Variants in ADAMTS2 observed in about 807,000 individuals in gnomAD.
ADAMTS2 encodes the protein A disintegrin and metalloproteinase with thrombospondin motifs 2.
ADAMTS2 carries 50 observed loss-of-function variants against 123.0 expected under a neutral mutation model. That is an observed-to-expected ratio of 0.41 (90% CI 0.32 to 0.51). ADAMTS2 has a LOEUF of 0.51. Ranked by LOEUF, ADAMTS2 falls within the 20% of genes least tolerant of loss-of-function variation. The pLI, the probability that ADAMTS2 is intolerant of heterozygous loss-of-function variation, is 0.35. For missense variants in ADAMTS2, 1,494 were observed against 1,705.2 expected, an observed-to-expected ratio of 0.88 and a Z score of 2.18; for synonymous variants, 678 against 695.4, an observed-to-expected ratio of 0.98 and a Z score of 0.39.
intron 5 of ADAMTS2, among the ~76,000 whole-genome samples, chr5:179,177,996 C>A (rs1292190958): frequency 6.6e-6 from 1 of 152,186 alleles, no homozygotes; most frequent in African/African-American, 2.4e-5. Context: ...GGGGAAAATG[C>A]AAGCCGCCAC....
chr5:179,262,182 C>G lies in ADAMTS2; in HGVS notation c.688+10729G>C, dbSNP rs894019491. On this transcript the variant is annotated intron_variant, in intron 3 of 21. Coordinates refer to ENST00000251582, the MANE Select transcript of ADAMTS2 (RefSeq NM_014244.5). The surrounding 1 kb of genome is among the most constrained non-coding windows in gnomAD (Gnocchi z 5.9). ...CTGCACGTGGCCCAGACCACCTAACCTGCCACCCCCACCAGCACACCTGCC... is the reference window on the plus strand; with the variant it reads ...CTGCACGTGGCCCAGACCACCTAACGTGCCACCCCCACCAGCACACCTGCC... Among the ~76,000 whole-genome samples, 1 of 152,088 alleles carries G rather than the reference C, an allele frequency of 6.6e-6. No homozygotes were observed. The highest frequency in any genetic ancestry group is 1.5e-5 in the Non-Finnish European group (1 of 68,000).
rs572555468 is a variant in ADAMTS2, at chr5:179,240,171, T to C, written c.689-32456A>G. Reference sequence around the variant, plus strand: ...AGAGGACGGAAGATATGAAAAGTCATCTGGAAGGAGGCAAACAGACTGAGG... The same window carrying C: ...AGAGGACGGAAGATATGAAAAGTCACCTGGAAGGAGGCAAACAGACTGAGG... On this transcript the variant is annotated intron_variant, in intron 3 of 21. Coordinates refer to ENST00000251582, the MANE Select transcript of ADAMTS2 (RefSeq NM_014244.5). Among the ~76,000 whole-genome samples the C allele has an allele frequency of 1.3e-4, 20 of 152,194 alleles. No homozygotes were observed. The South Asian group carries it at 3.5e-3, about 27-fold the overall frequency.
intron 4 of ADAMTS2, among the ~76,000 whole-genome samples, chr5:179,184,509 T>TCAAAAAAAAAAAAAAAAAAAAAAAAAA (rs1290290563): frequency 1.1e-5 from 1 of 91,416 alleles, no homozygotes; most frequent in African/African-American, 4.6e-5. Flanking sequence ...AGACTCTGTC[T>TCAAAAAAAAAAAAAAAAAAAAAAAAAA]AAAAAAAAAA....
chr5:179,129,945 G>A lies in ADAMTS2; in HGVS notation c.2444C>T (p.Thr815Ile). ...GCTTGGACTCACCAGAACGGTGATG[G>A]TGCCGTGGAGGGGGCCCATGGTCTG... The part of the protein sequence containing the change: ...TLQTMGPLHG[T>I]ITVLVIPVGD... Residue 815 changes from threonine (T) to isoleucine (I), a missense_variant, in exon 16 of 22, where the codon ACC becomes ATC. Transcript: ENST00000251582. The surrounding 1 kb of genome is among the most constrained non-coding windows in gnomAD (Gnocchi z 4.1). 6.2e-7 allele frequency: 1 copy of A among 1,613,942 alleles called. No homozygotes were observed. Among genetic ancestry groups the A allele is most frequent in the South Asian group, 1.1e-5 (1 of 91,078 alleles).
chr5:179,250,548 A>C (rs1362401225), intron 3 of ADAMTS2, among the ~76,000 whole-genome samples: 3 of 152,136 alleles, frequency 2.0e-5, no homozygotes, highest in Non-Finnish European at 4.4e-5. Context: ...CAGCTCAATA[A>C]ACCCACCATA....
chr5:179,304,806 T>A (rs1046220358), intron 2 of ADAMTS2, among the ~76,000 whole-genome samples: 1 of 152,142 alleles, frequency 6.6e-6, no homozygotes, highest in Non-Finnish European at 1.5e-5. Context: ...GGCTGAAAAC[T>A]TCTCAAATTC....
chr5:179,138,788 G>A (rs548779358), intron 11 of ADAMTS2, among the ~76,000 whole-genome samples: 106 of 152,310 alleles, frequency 7.0e-4, no homozygotes, highest in African/African-American at 2.3e-3. Flanking sequence ...GTGACTGCGG[G>A]TCCTCTCTGG....
At chr5:179,259,016 T>C (rs1209076062) in intron 3 of ADAMTS2, among the ~76,000 whole-genome samples, 1 of 152,180 alleles carries the variant, frequency 6.6e-6, no homozygotes, top group East Asian at 1.9e-4. Context: ...AGCAGCCTCC[T>C]GCCGGCTCCC....
At chr5:179,153,111 A>AGGCCTCTGCGTCCGT (rs201745388) in intron 9 of ADAMTS2, among the ~76,000 whole-genome samples, 3 of 151,976 alleles carry the variant, frequency 2.0e-5, no homozygotes, top group Non-Finnish European at 4.4e-5. Flanking sequence ...GCTCTCCTCC[A>AGGCCTCTGCGTCCGT]GGCCTCTGCG....
chr5:179,294,651 C>T (rs1756282175), intron 2 of ADAMTS2, among the ~76,000 whole-genome samples: 1 of 152,244 alleles, frequency 6.6e-6, no homozygotes, highest in Non-Finnish European at 1.5e-5. Context: ...AGCTTCCCCG[C>T]AGGGCTGCAC....
At chr5:179,223,636 GCACACACACATACACT>G (rs1765196759) in intron 3 of ADAMTS2, among the ~76,000 whole-genome samples, 1 of 84,166 alleles carries the variant, frequency 1.2e-5, no homozygotes, top group South Asian at 3.6e-4. Flanking sequence ...TCACATGAAT[GCACACACACATACACT>G]CACAGACGCA....
At position 179,117,963 on chromosome 5, in the gene ADAMTS2, C is replaced by T. The variant is rs781243657; in HGVS notation, c.3179-3639G>A. ...CCCTTTACAGAAAAGGTTGACTGATCGTGGGTCAAGTGCACGCCTAGGTCA... is the reference window on the plus strand; with the variant it reads ...CCCTTTACAGAAAAGGTTGACTGATTGTGGGTCAAGTGCACGCCTAGGTCA... On this transcript the variant is annotated intron_variant, in intron 21 of 21. Transcript: ENST00000251582. This position sits in a 1 kb window ranked among gnomAD's most constrained non-coding sequence, Gnocchi z 4.2. Among the ~76,000 whole-genome samples, 2 of 152,190 alleles carry T rather than the reference C, an allele frequency of 1.3e-5. No individual in the cohort carries two copies. The highest frequency in any genetic ancestry group is 4.2e-4 in the South Asian group (2 of 4,812).
At chr5:179,167,538 C>T (rs1581164991) in intron 5 of ADAMTS2, among the ~76,000 whole-genome samples, 2 of 152,264 alleles carry the variant, frequency 1.3e-5, no homozygotes, top group East Asian at 3.9e-4. Flanking sequence ...GGGAGGAAAC[C>T]GGGATGGGGA....
intron 2 of ADAMTS2, among the ~76,000 whole-genome samples, chr5:179,327,383 T>C (rs1757344540): frequency 6.6e-6 from 1 of 152,184 alleles, no homozygotes; most frequent in African/African-American, 2.4e-5. Context: ...AGTGTCTCAC[T>C]GAACCACATC....
chr5:179,155,849 C>A lies in ADAMTS2; in HGVS notation c.1133-930G>T, dbSNP rs937913541. On this transcript the variant is annotated intron_variant, in intron 6 of 21. Coordinates refer to ENST00000251582, the MANE Select transcript of ADAMTS2 (RefSeq NM_014244.5). The surrounding 1 kb of genome is among the most constrained non-coding windows in gnomAD (Gnocchi z 5.1). ...CCAACCTGCCCTCACTCCTGCCATG[C>A]CCCACTGAGAGACCCTGAGGCCACG... 5.3e-5 allele frequency among the ~76,000 whole-genome samples: 8 copies of A among 152,132 alleles called. No individual in the cohort carries two copies. The highest frequency in any genetic ancestry group is 1.7e-4 in the African/African-American group (7 of 41,432).
chr5:179,260,329 C>T lies in ADAMTS2; in HGVS notation c.688+12582G>A, dbSNP rs969065741. On this transcript the variant is annotated intron_variant, in intron 3 of 21. Transcript: ENST00000251582. This position sits in a 1 kb window ranked among gnomAD's most constrained non-coding sequence, Gnocchi z 4.2. ...TTTTCACGGATATTTACGCACCAAC[C>T]GTGTGCCAGGCATTCCTCAAAATGC... Among the ~76,000 whole-genome samples, 24 of 152,208 alleles carry T rather than the reference C, an allele frequency of 1.6e-4. No homozygotes were observed. Among genetic ancestry groups the T allele is most frequent in the Admixed American group, 1.5e-3 (23 of 15,284 alleles).
At chr5:179,248,970 ATAGGTCATATGT>A (rs1010862336) in intron 3 of ADAMTS2, among the ~76,000 whole-genome samples, 1 of 152,266 alleles carries the variant, frequency 6.6e-6, no homozygotes, top group African/African-American at 2.4e-5. Flanking sequence ...ATTCTCCAGG[ATAGGTCATATGT>A]TAGGTCACAA....
chr5:179,131,580 T>TG (rs1320578866), intron 15 of ADAMTS2, among the ~76,000 whole-genome samples: 2 of 152,106 alleles, frequency 1.3e-5, no homozygotes, highest in East Asian at 3.9e-4. Context: ...CTTCTGACCT[T>TG]GGCCCATGAA....
At chr5:179,137,722 AG>A (rs1371033885) in intron 12 of ADAMTS2, 46 bp downstream of exon 12, 2 of 1,512,556 alleles carry the variant, frequency 1.3e-6, no homozygotes, top group East Asian at 5.0e-5. Flanking sequence ...TGCCCACCCT[AG>A]GGCCTGCCTG....
Sources: allele counts gnomAD v4.1 joint callset (sites outside exome capture counted in the v4.1 genomes callset), GRCh38; gene constraint gnomAD v4.1.1; non-coding constraint Gnocchi (gnomAD v3.1); transcripts MANE v1.5; gene names NCBI Gene and HGNC (gene_info 2026-07-23, HGNC 2026-07-21).